FMN2: variants seen among roughly 807,000 people sequenced by gnomAD.
FMN2 encodes the protein formin-2.
In FMN2, 51 loss-of-function variants were observed where a neutral mutation model predicts 142.3. The observed-to-expected ratio is 0.36, with a 90% CI of 0.29 to 0.45. FMN2 has a LOEUF of 0.45. FMN2 is among the 20% of genes least tolerant of loss of function. FMN2 has a pLI of 1.00. For synonymous variants in FMN2, 882 were observed against 869.8 expected, an observed-to-expected ratio of 1.01 and a Z score of -0.25; for missense variants, 1,936 against 2,122.8, an observed-to-expected ratio of 0.91 and a Z score of 1.73.
chr1:240,433,081 A>G (rs1205357180), intron 15 of FMN2, among the ~76,000 whole-genome samples: 1 of 152,002 alleles, frequency 6.6e-6, no homozygotes, highest in Non-Finnish European at 1.5e-5. Flanking sequence ...TTCGATGATG[A>G]TTTTTCCTCT....
chr1:240,314,285 T>C (rs1056011569), intron 8 of FMN2, among the ~76,000 whole-genome samples: 7 of 152,146 alleles, frequency 4.6e-5, no homozygotes, highest in African/African-American at 1.2e-4. Context: ...AGGGGAAATA[T>C]GGCATCCATC....
intron 2 of FMN2, among the ~76,000 whole-genome samples, chr1:240,128,840 T>C (rs995418165): frequency 2.0e-5 from 3 of 152,088 alleles, no homozygotes; most frequent in Non-Finnish European, 2.9e-5. Context: ...AAGACTTAAG[T>C]GGACAAACAG....
At chr1:240,258,129 G>C in intron 7 of FMN2, 97 bp downstream of exon 7, 1 of 925,214 alleles carries the variant, frequency 1.1e-6, no homozygotes, top group Non-Finnish European at 1.7e-6. Flanking sequence ...TAGAGTTTCT[G>C]TGTAAACCGA....
intron 15 of FMN2, among the ~76,000 whole-genome samples, chr1:240,431,334 T>A (rs12080851): frequency 0.058 from 8,789 of 150,804 alleles, 855 homozygotes; most frequent in African/African-American, 0.2. Flanking sequence ...GTAAATTCAC[T>A]TATTGGTTCT....
intron 16 of FMN2, among the ~76,000 whole-genome samples, chr1:240,468,518 G>A (rs9729597): frequency 0.2 from 30,449 of 151,928 alleles, 3,123 homozygotes; most frequent in Middle Eastern, 0.27. Context: ...TGGTGATTGC[G>A]TTCTCACTCT....
intron 15 of FMN2, among the ~76,000 whole-genome samples, chr1:240,411,921 G>A (rs540345785): frequency 2.6e-4 from 40 of 152,298 alleles, no homozygotes; most frequent in African/African-American, 7.7e-4. Context: ...GTTCAAGTCC[G>A]AAGCTCAGGA....
intron 14 of FMN2, among the ~76,000 whole-genome samples, chr1:240,376,646 G>T (rs554526158): frequency 4.0e-4 from 61 of 152,120 alleles, no homozygotes; most frequent in African/African-American, 1.5e-3. Context: ...TTATTACAGA[G>T]ATAATTTAAA....
intron 6 of FMN2, among the ~76,000 whole-genome samples, chr1:240,248,319 T>C (rs2102880371): frequency 6.6e-6 from 1 of 151,760 alleles, no homozygotes; most frequent in East Asian, 1.9e-4. Context: ...ATTTTATTCT[T>C]TTTTTATGCC....
intron 14 of FMN2, among the ~76,000 whole-genome samples, chr1:240,385,207 T>A (rs185743722): frequency 1.3e-5 from 2 of 152,316 alleles, no homozygotes; most frequent in East Asian, 1.9e-4. Flanking sequence ...GTTTTGATAG[T>A]TTGAATCCCT....
intron 16 of FMN2, chr1:240,472,105 C>T: frequency 2.9e-6 from 1 of 339,704 alleles, no homozygotes; most frequent in Non-Finnish European, 5.3e-6. Context: ...TGCATACACA[C>T]TCTGCATAGA....
At chr1:240,406,019 A>G (rs1674147029) in intron 15 of FMN2, among the ~76,000 whole-genome samples, 1 of 149,798 alleles carries the variant, frequency 6.7e-6, no homozygotes, top group African/African-American at 2.5e-5. Context: ...GAGTGGGGGA[A>G]GCGAAGGGAA....
At chr1:240,148,752 G>A (rs1051844945) in intron 2 of FMN2, among the ~76,000 whole-genome samples, 7 of 152,066 alleles carry the variant, frequency 4.6e-5, no homozygotes, top group African/African-American at 1.4e-4. Flanking sequence ...AGGCCGAGGC[G>A]GGCGGATCAC....
At chr1:240,352,196 G>A (rs776211895) in intron 13 of FMN2, among the ~76,000 whole-genome samples, 22 of 152,138 alleles carry the variant, frequency 1.4e-4, no homozygotes, top group Non-Finnish European at 1.9e-4. Flanking sequence ...AGACAAGCTC[G>A]CTGAGGACAG....
chr1:240,414,984 G>C lies in FMN2; in HGVS notation c.4910+22422G>C, dbSNP rs538104692. 2.0e-5 allele frequency among the ~76,000 whole-genome samples: 3 copies of C among 152,302 alleles called. No individual in the cohort carries two copies. The East Asian group carries it at 5.8e-4, about 29-fold the overall frequency. On this transcript the variant is annotated intron_variant, in intron 15 of 17. Transcript: ENST00000319653. The stretch of plus-strand genomic sequence containing the variant: ...ATTTGAGAATAAATGTCTGACATTA[G>C]AAATGCCATCATCTCCCCAAGAAAC...
chr1:240,321,608 G>A (rs1216540743), intron 8 of FMN2, among the ~76,000 whole-genome samples: 1 of 152,090 alleles, frequency 6.6e-6, no homozygotes, highest in Non-Finnish European at 1.5e-5. Flanking sequence ...TAGTACTAAA[G>A]ATTATCTACA....
intron 6 of FMN2, among the ~76,000 whole-genome samples, chr1:240,232,085 T>C (rs565494368): frequency 6.6e-6 from 1 of 152,222 alleles, no homozygotes; most frequent in South Asian, 2.1e-4. Flanking sequence ...TTTTAATTTT[T>C]TTTGAGATGG....
intron 15 of FMN2, among the ~76,000 whole-genome samples, chr1:240,429,887 T>G (rs1313789706): frequency 1.5e-4 from 22 of 146,768 alleles, no homozygotes; most frequent in African/African-American, 5.2e-4. Flanking sequence ...TTTTTTTGTT[T>G]TTTTTTTGTT....
chr1:240,390,446 A>T (rs1673568199), intron 14 of FMN2, among the ~76,000 whole-genome samples: 1 of 152,212 alleles, frequency 6.6e-6, no homozygotes, highest in Non-Finnish European at 1.5e-5. Flanking sequence ...GTTTCGGTGA[A>T]CATCAAAAGA....
chr1:240,270,741 A>T (rs947173754), intron 7 of FMN2, among the ~76,000 whole-genome samples: 1 of 152,112 alleles, frequency 6.6e-6, no homozygotes, highest in African/African-American at 2.4e-5. Context: ...CCAGGGACAG[A>T]GAGACAAAAT....
Sources: gnomAD v4.1 joint callset for allele counts (sites outside exome capture counted in the v4.1 genomes callset) on GRCh38, gnomAD v4.1.1 for gene constraint, MANE v1.5 for transcripts, NCBI Gene and HGNC (gene_info 2026-07-23, HGNC 2026-07-21) for gene names.